Variants in TTC39B observed in about 807,000 individuals in gnomAD.
TTC39B encodes tetratricopeptide repeat protein 39B.
In TTC39B, 92 loss-of-function variants were observed where a neutral mutation model predicts 96.6. That is an observed-to-expected ratio of 0.95 (90% CI 0.80 to 1.13). The LOEUF is 1.13. Among genes scored for constraint, TTC39B ranks in the 50% most tolerant of loss-of-function variants. The probability of loss-of-function intolerance (pLI) is 0.00; values close to 1 mark genes in which losing one functional copy is unlikely to be tolerated. For missense variants in TTC39B, 955 were observed against 809.3 expected (o/e 1.18, Z -2.18); for synonymous variants, 367 against 299.4 (o/e 1.23, Z -2.33).
At chr9:15,179,831 A>G (rs866520353) in intron 17 of TTC39B, among the ~76,000 whole-genome samples, 1 of 152,222 alleles carries the variant, frequency 6.6e-6, no homozygotes, top group East Asian at 1.9e-4. Flanking sequence ...GTAAAGCCGC[A>G]TGTAACTTCT....
exon 20 of TTC39B, chr9:15,171,846 GA>G (rs1000600303): frequency 7.3e-5 from 31 of 426,838 alleles, no homozygotes; most frequent in Admixed American, 1.2e-4. Flanking sequence ...CATTCCATAG[GA>G]AAAAAAATTA....
At chr9:15,202,048 A>ATC (rs1292114866) in intron 7 of TTC39B, among the ~76,000 whole-genome samples, 4 of 152,206 alleles carry the variant, frequency 2.6e-5, no homozygotes, top group African/African-American at 9.7e-5. Flanking sequence ...CAATGATAGG[A>ATC]AGAGACGGAG....
intron 19 of TTC39B, among the ~76,000 whole-genome samples, chr9:15,174,495 G>GA (rs1817823158): frequency 6.6e-6 from 1 of 152,088 alleles, no homozygotes; most frequent in Admixed American, 6.5e-5. Flanking sequence ...GCAATAAACA[G>GA]AAAAAACAGA....
In TTC39B at chr9:15,167,028, A is replaced by ATTTTTT. The variant is rs549150155; in HGVS notation, c.*4985_*4990dup. The ATTTTTT allele has an allele frequency of 1.9e-3, 21 of 11,024 alleles. 5 individuals carry two copies. Among genetic ancestry groups the ATTTTTT allele is most frequent in the Non-Finnish European group, 2.4e-3 (15 of 6,346 alleles). 0.7% of individuals were successfully genotyped at this position (11,024 alleles called of 1,614,324 possible). ...TATATATATATATATATATATATATATTTTTTTTTTTTTTTTTTTTTTTTT... is the reference window on the plus strand; with the variant it reads ...TATATATATATATATATATATATATATTTTTTTTTTTTTTTTTTTTTTTTTTTTTTT... On this transcript the variant is annotated 3_prime_UTR_variant, in exon 20 of 20. Coordinates refer to ENST00000512701, the Ensembl canonical transcript of TTC39B.
At chr9:15,174,402 T>C (rs1817817773) in intron 19 of TTC39B, among the ~76,000 whole-genome samples, 1 of 152,132 alleles carries the variant, frequency 6.6e-6, no homozygotes, top group Non-Finnish European at 1.5e-5. Flanking sequence ...GGCCACAGGG[T>C]TTTTGCCTTA....
At chr9:15,279,859 CT>C (rs568069560) in intron 1 of TTC39B, among the ~76,000 whole-genome samples, 381 of 127,174 alleles carry the variant, frequency 3.0e-3, no homozygotes, top group Non-Finnish European at 5.1e-3. Flanking sequence ...GCTGCCTTTT[CT>C]TTTTTTGTAA....
intron 6 of TTC39B, among the ~76,000 whole-genome samples, chr9:15,209,120 G>C (rs1820041220): frequency 1.3e-5 from 2 of 152,070 alleles, no homozygotes; most frequent in African/African-American, 4.8e-5. Context: ...GATTCTCCTG[G>C]GATGGCAAAA....
rs139375862 is a variant in TTC39B, at chr9:15,199,464, G to A, written c.824+397C>T. On this transcript the variant is annotated intron_variant, in intron 8 of 19. Coordinates refer to ENST00000512701, the Ensembl canonical transcript of TTC39B. ...AAAAAATCCTAGTCAGGCCAGGCGC[G>A]GTGGCTCACGCGTGTAATCCCAGCA... Among the ~76,000 whole-genome samples, 720 of 151,974 alleles carry A rather than the reference G, an allele frequency of 4.7e-3. 8 individuals are homozygous for A. Among genetic ancestry groups the A allele is most frequent in the African/African-American group, 0.016 (672 of 41,456 alleles).
At chr9:15,254,212 C>T (rs1822667290) in intron 2 of TTC39B, among the ~76,000 whole-genome samples, 1 of 149,756 alleles carries the variant, frequency 6.7e-6, no homozygotes, top group African/African-American at 2.4e-5. Context: ...CCTTCCTTTT[C>T]CCTGTTTTGA....
intron 16 of TTC39B, among the ~76,000 whole-genome samples, chr9:15,182,864 T>C (rs1051772658): frequency 4.6e-5 from 7 of 152,222 alleles, no homozygotes; most frequent in African/African-American, 7.2e-5. Flanking sequence ...GGATCTTTCA[T>C]ACAATTAGAA....
intron 5 of TTC39B, among the ~76,000 whole-genome samples, 154 bp from the exon 6 acceptor site, chr9:15,210,318 T>C (rs1312195705): frequency 6.6e-6 from 1 of 152,228 alleles, no homozygotes; most frequent in African/African-American, 2.4e-5. Context: ...AGATCATCCT[T>C]TTCCAACACT....
chr9:15,249,223 C>T (rs371540746), intron 2 of TTC39B: 15 of 152,134 alleles, frequency 9.9e-5, no homozygotes, highest in East Asian at 3.9e-4. Flanking sequence ...TGACTAAGGA[C>T]AGATGTTTAG....
intron 19 of TTC39B, among the ~76,000 whole-genome samples, chr9:15,173,077 G>A (rs1817746209): frequency 6.6e-6 from 1 of 152,028 alleles, no homozygotes; most frequent in Admixed American, 6.6e-5. Flanking sequence ...GTTAGTGGAG[G>A]CTTTTCATTG....
intron 1 of TTC39B, among the ~76,000 whole-genome samples, chr9:15,275,085 A>T (rs1823490111): frequency 6.6e-6 from 1 of 150,974 alleles, no homozygotes. Flanking sequence ...CTTGTTGTCC[A>T]GGCTGGAGTG....
At chr9:15,304,613 T>C (rs1178986985) in intron 1 of TTC39B, among the ~76,000 whole-genome samples, 1 of 152,168 alleles carries the variant, frequency 6.6e-6, no homozygotes, top group Non-Finnish European at 1.5e-5. Flanking sequence ...TTCCATATTA[T>C]TAGCCCTTCT....
intron 1 of TTC39B, among the ~76,000 whole-genome samples, chr9:15,285,930 T>G (rs547240339): frequency 5.1e-4 from 78 of 152,366 alleles, no homozygotes; most frequent in Non-Finnish European, 8.7e-4. Flanking sequence ...TTGCCCCATC[T>G]GCTTATAATC....
intron 2 of TTC39B, among the ~76,000 whole-genome samples, chr9:15,244,655 C>G (rs138214565): frequency 8.5e-5 from 13 of 152,302 alleles, no homozygotes; most frequent in African/African-American, 3.1e-4. Context: ...TCCCATTAGA[C>G]AGACCATTAT....
chr9:15,280,548 A>G (rs1823722200), intron 1 of TTC39B, among the ~76,000 whole-genome samples: 1 of 152,236 alleles, frequency 6.6e-6, no homozygotes, highest in South Asian at 2.1e-4. Context: ...ACTAAGAACA[A>G]AGACTGCAGA....
chr9:15,300,578 A>C (rs1409474576), intron 1 of TTC39B, among the ~76,000 whole-genome samples: 1 of 152,030 alleles, frequency 6.6e-6, no homozygotes, highest in African/African-American at 2.4e-5. Flanking sequence ...TCTTACAACA[A>C]TTGCCTCATC....
Sources: allele counts gnomAD v4.1 joint callset (sites outside exome capture counted in the v4.1 genomes callset), GRCh38; gene constraint gnomAD v4.1.1; transcripts MANE v1.5; gene names NCBI Gene and HGNC (gene_info 2026-07-23, HGNC 2026-07-21).